The following TMOD1 variants were observed in gnomAD, a reference collection of about 807,000 sequenced individuals.
TMOD1 encodes the protein tropomodulin-1.
A neutral mutation model predicts 40.6 loss-of-function variants in TMOD1; 17 were observed. The ratio of observed to expected loss-of-function variants is 0.42; its 90% confidence interval spans 0.29 to 0.63. The LOEUF is 0.63. Ranked by LOEUF, TMOD1 falls within the 20% of genes least tolerant of loss-of-function variation. TMOD1 has a pLI of 0.22. For synonymous variants in TMOD1, 181 were observed against 175.0 expected, an observed-to-expected ratio of 1.03 and a Z score of -0.27; for missense variants, 391 against 447.6, an observed-to-expected ratio of 0.87 and a Z score of 1.14.
intron 8 of TMOD1, among the ~76,000 whole-genome samples, chr9:97,578,778 G>A (rs760882144): frequency 5.0e-4 from 76 of 152,340 alleles, no homozygotes; most frequent in Middle Eastern, 3.4e-3. Context: ...TACTCTGCAC[G>A]AAGCATCAGC....
intron 4 of TMOD1, among the ~76,000 whole-genome samples, chr9:97,558,195 T>G (rs1211963792): frequency 6.6e-6 from 1 of 152,228 alleles, no homozygotes; most frequent in African/African-American, 2.4e-5. Context: ...GTTTTATTTC[T>G]TCTTAGCCCT....
Position 97,592,282 on chromosome 9 carries a change from GA to G in TMOD1, c.1015+855del, listed in dbSNP as rs200456265. 6.6e-5 allele frequency among the ~76,000 whole-genome samples: 10 copies of G among 151,080 alleles called. 1 individual carries two copies. Among genetic ancestry groups the G allele is most frequent in the South Asian group, 4.2e-4 (2 of 4,784 alleles). Reference sequence around the variant, plus strand: ...CAAGGCTATAGGAAAACAAGAGGGGGAAAAAAAACAAGAAAAGCAGTAGGTC... The same window carrying G: ...CAAGGCTATAGGAAAACAAGAGGGGGAAAAAAACAAGAAAAGCAGTAGGTC... On this transcript the variant is annotated intron_variant, in intron 9 of 9. Coordinates refer to ENST00000259365, the MANE Select transcript of TMOD1 (RefSeq NM_003275.4).
chr9:97,515,212 A>AAC (rs1027449845), intron 1 of TMOD1, among the ~76,000 whole-genome samples: 2 of 151,490 alleles, frequency 1.3e-5, no homozygotes, highest in Non-Finnish European at 2.9e-5. Context: ...AAAAAAAAAA[A>AAC]AACAAACCAC....
chr9:97,565,269 CA>C (rs1830709302), intron 6 of TMOD1, among the ~76,000 whole-genome samples: 1 of 152,162 alleles, frequency 6.6e-6, no homozygotes, highest in African/African-American at 2.4e-5. Flanking sequence ...AAATATATAC[CA>C]ACGCCCAGGC....
intron 6 of TMOD1, among the ~76,000 whole-genome samples, chr9:97,564,465 A>G (rs556890177): frequency 1.3e-5 from 2 of 152,318 alleles, no homozygotes; most frequent in South Asian, 4.2e-4. Context: ...CGTTATTCAA[A>G]ACACTGAGAG....
intron 8 of TMOD1, among the ~76,000 whole-genome samples, chr9:97,585,215 C>G (rs547616825): frequency 1.6e-3 from 240 of 152,184 alleles, no homozygotes; most frequent in African/African-American, 5.6e-3. Context: ...GACAAAATCT[C>G]TCAGCATTTG....
At chr9:97,558,595 C>T (rs1332881113) in intron 4 of TMOD1, among the ~76,000 whole-genome samples, 1 of 152,160 alleles carries the variant, frequency 6.6e-6, no homozygotes, top group Non-Finnish European at 1.5e-5. Flanking sequence ...GGGCGTGTGC[C>T]ACCATGCCCT....
intron 8 of TMOD1, among the ~76,000 whole-genome samples, chr9:97,589,544 G>A (rs890561656): frequency 6.6e-6 from 1 of 151,934 alleles, no homozygotes; most frequent in Non-Finnish European, 1.5e-5. Flanking sequence ...CTCCCAAAGT[G>A]CTGGGATTAC....
intron 8 of TMOD1, among the ~76,000 whole-genome samples, chr9:97,573,677 C>G (rs1281200460): frequency 6.6e-6 from 1 of 152,172 alleles, no homozygotes; most frequent in East Asian, 1.9e-4. Context: ...ACCATGGCTC[C>G]CTCACAGCGT....
chr9:97,593,626 A>AG, intron 9 of TMOD1, among the ~76,000 whole-genome samples: 1 of 152,250 alleles, frequency 6.6e-6, no homozygotes, highest in Non-Finnish European at 1.5e-5. Flanking sequence ...GGGAAAAAAA[A>AG]GACTCAAAGG....
intron 8 of TMOD1, among the ~76,000 whole-genome samples, chr9:97,570,503 T>C (rs1009599465): frequency 1.3e-5 from 2 of 152,056 alleles, no homozygotes; most frequent in African/African-American, 4.8e-5. Flanking sequence ...ATTGGCAAAT[T>C]GGCACACCAT....
chr9:97,508,409 C>T (rs1166598790), intron 1 of TMOD1, among the ~76,000 whole-genome samples: 1 of 151,996 alleles, frequency 6.6e-6, no homozygotes, highest in African/African-American at 2.4e-5. Flanking sequence ...AGGCTGGTCT[C>T]GAACTCCTGA....
intron 3 of TMOD1, among the ~76,000 whole-genome samples, chr9:97,550,774 C>A (rs1157452618): frequency 6.6e-6 from 1 of 151,960 alleles, no homozygotes; most frequent in African/African-American, 2.4e-5. Flanking sequence ...AGATACTAGA[C>A]CTTATCACAT....
intron 8 of TMOD1, among the ~76,000 whole-genome samples, chr9:97,575,329 C>G (rs1274763527): frequency 6.6e-6 from 1 of 152,226 alleles, no homozygotes; most frequent in Non-Finnish European, 1.5e-5. Flanking sequence ...AAACTCCTAA[C>G]ACATCCGAAC....
At chr9:97,523,736 C>T (rs899663633) in intron 1 of TMOD1, among the ~76,000 whole-genome samples, 1 of 152,144 alleles carries the variant, frequency 6.6e-6, no homozygotes, top group African/African-American at 2.4e-5. Context: ...CCGATACTCC[C>T]CTGCCCCTTT....
chr9:97,545,030 T>C (rs926345511), intron 2 of TMOD1, among the ~76,000 whole-genome samples: 2 of 141,034 alleles, frequency 1.4e-5, no homozygotes, highest in Non-Finnish European at 3.1e-5. Context: ...AAAAAAAAGG[T>C]TGGAGGTGGA....
chr9:97,556,060 C>A (rs1192390503), intron 4 of TMOD1, among the ~76,000 whole-genome samples: 1 of 149,416 alleles, frequency 6.7e-6, no homozygotes, highest in Non-Finnish European at 1.5e-5. Context: ...GGACTAGGGG[C>A]ATGAAGGAGA....
chr9:97,509,288 G>T (rs1054768798), intron 1 of TMOD1, among the ~76,000 whole-genome samples: 8 of 152,166 alleles, frequency 5.3e-5, no homozygotes, highest in Non-Finnish European at 7.3e-5. Context: ...AAGACTGCAA[G>T]AAATAATCCA....
chr9:97,537,372 C>A (rs1196664348), intron 2 of TMOD1, among the ~76,000 whole-genome samples: 1 of 152,214 alleles, frequency 6.6e-6, no homozygotes, highest in African/African-American at 2.4e-5. Flanking sequence ...CCTCTGTGTG[C>A]ACATCTGAAC....
Sources: allele counts gnomAD v4.1 joint callset (sites outside exome capture counted in the v4.1 genomes callset), GRCh38; gene constraint gnomAD v4.1.1; transcripts MANE v1.5; gene names NCBI Gene and HGNC (gene_info 2026-07-23, HGNC 2026-07-21).